The following CEP128 variants were observed in gnomAD, a reference collection of about 807,000 sequenced individuals.
CEP128 encodes centrosomal protein 128kDa.
Under a neutral mutation model 156.7 loss-of-function variants are expected in CEP128, and 132 were observed. That is an observed-to-expected ratio of 0.84 (90% CI 0.73 to 0.97). The LOEUF (loss-of-function observed/expected upper bound fraction) is 0.97. Among genes scored for constraint, CEP128 ranks in the 50% least tolerant of loss-of-function variants. The probability of loss-of-function intolerance (pLI) is 0.00; values close to 1 mark genes in which losing one functional copy is unlikely to be tolerated. For missense variants in CEP128, 1,252 were observed against 1,281.9 expected (o/e 0.98, Z 0.36); for synonymous variants, 469 against 448.9 (o/e 1.04, Z -0.57).
intron 12 of CEP128, among the ~76,000 whole-genome samples, chr14:80,832,337 C>T (rs771619490): frequency 1.3e-5 from 2 of 151,788 alleles, no homozygotes; most frequent in Non-Finnish European, 2.9e-5. Flanking sequence ...ACAACTGGAA[C>T]ATATACTGTC....
chr14:80,516,199 T>C (rs947426177), intron 23 of CEP128, among the ~76,000 whole-genome samples: 2 of 152,152 alleles, frequency 1.3e-5, no homozygotes, highest in African/African-American at 4.8e-5. Context: ...TTGTCATGAC[T>C]GGGTCCTTCC....
chr14:80,592,964 A>C (rs1267131377), intron 19 of CEP128, among the ~76,000 whole-genome samples: 1 of 152,202 alleles, frequency 6.6e-6, no homozygotes, highest in Non-Finnish European at 1.5e-5. Flanking sequence ...TCATGCTAAA[A>C]ACTCTCAATA....
chr14:80,517,047 C>A (rs972066399), intron 23 of CEP128, among the ~76,000 whole-genome samples: 4 of 152,058 alleles, frequency 2.6e-5, no homozygotes, highest in African/African-American at 9.7e-5. Flanking sequence ...CTGCCTCCTC[C>A]CCCTAATTAT....
intron 19 of CEP128, among the ~76,000 whole-genome samples, chr14:80,658,871 C>A (rs1895282423): frequency 6.6e-6 from 1 of 152,132 alleles, no homozygotes; most frequent in African/African-American, 2.4e-5. Context: ...GAACAGTTAG[C>A]TCTCACAGCA....
intron 23 of CEP128, chr14:80,514,722 G>A: frequency 2.8e-6 from 1 of 361,692 alleles, no homozygotes; most frequent in Non-Finnish European, 5.6e-6. Context: ...AGTCTCTGGT[G>A]TGTTATTTAG....
chr14:80,595,238 G>A (rs573797994), intron 19 of CEP128, among the ~76,000 whole-genome samples: 8 of 152,222 alleles, frequency 5.3e-5, no homozygotes, highest in East Asian at 3.9e-4. Context: ...ACCAAACACC[G>A]TGTGTTCTCA....
At chr14:80,625,301 G>C (rs1386982487) in intron 19 of CEP128, among the ~76,000 whole-genome samples, 1 of 152,074 alleles carries the variant, frequency 6.6e-6, no homozygotes, top group Non-Finnish European at 1.5e-5. Context: ...TGTTCCATTG[G>C]TCTGGGTATT....
intron 19 of CEP128, among the ~76,000 whole-genome samples, chr14:80,628,055 C>T (rs890673041): frequency 1.3e-5 from 2 of 152,216 alleles, no homozygotes; most frequent in Non-Finnish European, 2.9e-5. Flanking sequence ...AGTGAAAAAG[C>T]TTAAATTGCA....
intron 19 of CEP128, among the ~76,000 whole-genome samples, chr14:80,739,677 G>T (rs1275305920): frequency 2.0e-5 from 3 of 151,632 alleles, no homozygotes; most frequent in African/African-American, 7.3e-5. Flanking sequence ...TTTTTTTCAC[G>T]TTACACTAGA....
downstream of CEP128, among the ~76,000 whole-genome samples, chr14:80,489,129 TATA>T (rs1444168759): frequency 6.7e-6 from 1 of 149,828 alleles, no homozygotes; most frequent in Non-Finnish European, 1.5e-5. Flanking sequence ...AAACTTAAAG[TATA>T]ATAATAAAAA....
chr14:80,513,085 T>C (rs1888333290), intron 23 of CEP128, among the ~76,000 whole-genome samples: 1 of 152,170 alleles, frequency 6.6e-6, no homozygotes, highest in Non-Finnish European at 1.5e-5. Flanking sequence ...CTTCAGATGA[T>C]ATAGTATTGC....
intron 19 of CEP128, among the ~76,000 whole-genome samples, chr14:80,685,618 G>A (rs1566856395): frequency 1.3e-5 from 2 of 151,644 alleles, no homozygotes; most frequent in South Asian, 2.1e-4. Flanking sequence ...ATTCTAAAAC[G>A]CATATGGAAC....
chr14:80,601,545 T>C (rs563184440), intron 19 of CEP128, among the ~76,000 whole-genome samples: 181 of 152,304 alleles, frequency 1.2e-3, no homozygotes, highest in African/African-American at 4.3e-3. Flanking sequence ...AAGATTGTCA[T>C]AGAGTATATT....
intron 19 of CEP128, among the ~76,000 whole-genome samples, chr14:80,685,325 C>A (rs1443092433): frequency 1.3e-5 from 2 of 151,872 alleles, no homozygotes; most frequent in East Asian, 3.9e-4. Context: ...AGAGCCAAAT[C>A]AAGAACCTAA....
At chr14:80,542,038 C>T (rs965888914) in intron 21 of CEP128, among the ~76,000 whole-genome samples, 26 of 152,190 alleles carry the variant, frequency 1.7e-4, no homozygotes, top group South Asian at 2.1e-4. Context: ...GCTTGGCATG[C>T]GGTAAGCACT....
chr14:80,772,367 G>A (rs566028289), intron 16 of CEP128, among the ~76,000 whole-genome samples: 1 of 152,222 alleles, frequency 6.6e-6, no homozygotes, highest in African/African-American at 2.4e-5. Context: ...CGGTTGGAGA[G>A]GAGATCAGCT....
At chr14:80,618,961 G>A (rs1041740817) in intron 19 of CEP128, among the ~76,000 whole-genome samples, 1 of 152,136 alleles carries the variant, frequency 6.6e-6, no homozygotes, top group Non-Finnish European at 1.5e-5. Context: ...TTAGTGAAAA[G>A]GGTCCTAAAA....
At chr14:80,561,589 G>A (rs971073315) in intron 20 of CEP128, among the ~76,000 whole-genome samples, 1 of 152,044 alleles carries the variant, frequency 6.6e-6, no homozygotes, top group Non-Finnish European at 1.5e-5. Context: ...AGCCCTATTT[G>A]GGCCTTAAGT....
chr14:80,796,955 T>C (rs777660019), intron 13 of CEP128, among the ~76,000 whole-genome samples: 1 of 152,184 alleles, frequency 6.6e-6, no homozygotes, highest in Non-Finnish European at 1.5e-5. Context: ...AGGATGGAAA[T>C]GAGCTGAATT....
Sources: gnomAD v4.1 joint callset for allele counts (sites outside exome capture counted in the v4.1 genomes callset) on GRCh38, gnomAD v4.1.1 for gene constraint, MANE v1.5 for transcripts, NCBI Gene and HGNC (gene_info 2026-07-23, HGNC 2026-07-21) for gene names.